GRID2: variants seen among roughly 807,000 people sequenced by gnomAD.
GRID2 encodes the protein glutamate ionotropic receptor delta type subunit 2, also known as glutamate receptor ionotropic, delta-2.
Under a neutral mutation model 114.8 loss-of-function variants are expected in GRID2, and 33 were observed. The observed-to-expected ratio is 0.29, with a 90% CI of 0.22 to 0.38. The LOEUF is 0.38. GRID2 is among the 10% of genes least tolerant of loss of function. The probability of loss-of-function intolerance (pLI) is 1.00; values close to 1 mark genes in which losing one functional copy is unlikely to be tolerated. For synonymous variants in GRID2, 505 were observed against 449.9 expected (o/e 1.12, Z -1.55); for missense variants, 1,184 against 1,257.7 (o/e 0.94, Z 0.89).
intron 8 of GRID2, among the ~76,000 whole-genome samples, chr4:93,261,865 G>C (rs1373096486): frequency 6.6e-6 from 1 of 151,120 alleles, no homozygotes; most frequent in Non-Finnish European, 1.5e-5. Flanking sequence ...TATGTTTTCT[G>C]TATATATGTA....
chr4:92,436,669 G>A (rs1255383667), intron 1 of GRID2, among the ~76,000 whole-genome samples: 1 of 151,986 alleles, frequency 6.6e-6, no homozygotes, highest in South Asian at 2.1e-4. Flanking sequence ...ATCTCTCTTA[G>A]GTTGCTTGTG....
intron 1 of GRID2, among the ~76,000 whole-genome samples, chr4:92,317,997 G>A (rs1726087225): frequency 1.3e-5 from 2 of 152,012 alleles, no homozygotes; most frequent in Admixed American, 1.3e-4. Flanking sequence ...TATAAACTGG[G>A]TTGTATTGAT....
chr4:93,312,351 G>A (rs1336775763), intron 8 of GRID2, among the ~76,000 whole-genome samples: 1 of 152,136 alleles, frequency 6.6e-6, no homozygotes, highest in African/African-American at 2.4e-5. Flanking sequence ...CAAGTATTTG[G>A]CTGAAAATTG....
intron 2 of GRID2, among the ~76,000 whole-genome samples, chr4:92,771,978 A>G (rs772695237): frequency 6.6e-6 from 1 of 152,208 alleles, no homozygotes; most frequent in Non-Finnish European, 1.5e-5. Context: ...ACTTAATTCA[A>G]TCAGCCATGT....
chr4:92,611,068 GTATA>G (rs748452550), intron 2 of GRID2, among the ~76,000 whole-genome samples: 4 of 135,494 alleles, frequency 3.0e-5, no homozygotes, highest in East Asian at 2.4e-4. Context: ...ATGTGTGTGT[GTATA>G]TATATATGTG....
intron 14 of GRID2, among the ~76,000 whole-genome samples, chr4:93,647,332 C>T (rs72873020): frequency 0.11 from 16,869 of 152,094 alleles, 1,005 homozygotes; most frequent in Middle Eastern, 0.14. Flanking sequence ...TCTCACATAG[C>T]GACATATTTA....
intron 2 of GRID2, among the ~76,000 whole-genome samples, chr4:93,083,397 A>G (rs1730048169): frequency 6.6e-6 from 1 of 152,126 alleles, no homozygotes; most frequent in Non-Finnish European, 1.5e-5. Context: ...GTTATGGTCT[A>G]AGAAGCATCC....
chr4:92,751,586 A>C (rs946919699), intron 2 of GRID2, among the ~76,000 whole-genome samples: 1 of 152,220 alleles, frequency 6.6e-6, no homozygotes, highest in African/African-American at 2.4e-5. Flanking sequence ...TTTCTTTTCA[A>C]TGTTGTTAAA....
At chr4:92,505,296 ATGGCC>A (rs1449391023) in intron 1 of GRID2, among the ~76,000 whole-genome samples, 1 of 152,008 alleles carries the variant, frequency 6.6e-6, no homozygotes, top group Non-Finnish European at 1.5e-5. Flanking sequence ...TTTATTTTTA[ATGGCC>A]TGGATTAAAT....
intron 10 of GRID2, among the ~76,000 whole-genome samples, chr4:93,440,048 G>A (rs1473886474): frequency 6.6e-6 from 1 of 152,060 alleles, no homozygotes; most frequent in Admixed American, 6.6e-5. Flanking sequence ...GCCTCCTTGT[G>A]CAGGGAGAGC....
intron 1 of GRID2, among the ~76,000 whole-genome samples, chr4:92,335,664 T>G (rs1190294711): frequency 6.6e-6 from 1 of 152,240 alleles, no homozygotes; most frequent in African/African-American, 2.4e-5. Context: ...TAAAAAGTTA[T>G]TTGTATTTTA....
intron 13 of GRID2, among the ~76,000 whole-genome samples, chr4:93,535,862 T>C (rs924065247): frequency 6.6e-6 from 1 of 152,080 alleles, no homozygotes; most frequent in Non-Finnish European, 1.5e-5. Flanking sequence ...CTTCACTCTG[T>C]TGATTGTTTC....
intron 1 of GRID2, among the ~76,000 whole-genome samples, chr4:92,328,192 T>G (rs1726693800): frequency 6.6e-6 from 1 of 152,046 alleles, no homozygotes; most frequent in South Asian, 2.1e-4. Flanking sequence ...GGTCTAGGTC[T>G]CTGCTGGAAC....
intron 2 of GRID2, among the ~76,000 whole-genome samples, chr4:92,639,301 C>T (rs1041702543): frequency 6.6e-6 from 1 of 151,558 alleles, no homozygotes; most frequent in South Asian, 2.1e-4. Flanking sequence ...ATATATAGAT[C>T]TTATGTATGT....
chr4:93,321,106 G>GA (rs1210148457), intron 8 of GRID2, among the ~76,000 whole-genome samples: 3 of 151,858 alleles, frequency 2.0e-5, no homozygotes, highest in Non-Finnish European at 4.4e-5. Flanking sequence ...AACTCTCCTT[G>GA]AAAAAAGCAG....
At chr4:92,548,868 A>G (rs1275812131) in intron 1 of GRID2, among the ~76,000 whole-genome samples, 3 of 152,070 alleles carry the variant, frequency 2.0e-5, no homozygotes, top group Non-Finnish European at 4.4e-5. Context: ...GGAAGTAAAG[A>G]AAGGGCAAGG....
rs574572375 is a variant in GRID2, at chr4:92,536,575, T to TTA, written c.89-53556_89-53555insTA. ...AAAAATGATTTACACAAAACTTTAATAAGATTGTTATTTTAATTTTTTGCT... is the reference window on the plus strand; with the variant it reads ...AAAAATGATTTACACAAAACTTTAATTAAAGATTGTTATTTTAATTTTTTGCT... On this transcript the variant is annotated intron_variant, in intron 1 of 15. Coordinates refer to ENST00000282020, the MANE Select transcript of GRID2 (RefSeq NM_001510.4). Among the ~76,000 whole-genome samples, 546 of 152,328 alleles carry TTA rather than the reference T, an allele frequency of 3.6e-3. 4 individuals are homozygous for TTA. The highest frequency in any genetic ancestry group is 0.012 in the African/African-American group (516 of 41,584).
intron 2 of GRID2, among the ~76,000 whole-genome samples, chr4:92,802,283 T>G (rs1157106699): frequency 6.6e-6 from 1 of 151,940 alleles, no homozygotes; most frequent in East Asian, 1.9e-4. Context: ...TTGATGTACT[T>G]ACATTGACAC....
rs558393280 is a variant in GRID2, at chr4:92,439,247, G to A, written c.88+134503G>A. Among the ~76,000 whole-genome samples, 194 of 152,082 alleles carry A rather than the reference G, an allele frequency of 1.3e-3. 2 individuals carry two copies. Among genetic ancestry groups the A allele is most frequent in the Middle Eastern group, 6.8e-3 (2 of 294 alleles). ...AATGTCATCACTTAAGGCAAGGACC[G>A]GCCATTTACACTTCTTTTGTGGTGG... On this transcript the variant is annotated intron_variant, in intron 1 of 15. Transcript: ENST00000282020.
Sources: allele counts gnomAD v4.1 joint callset (sites outside exome capture counted in the v4.1 genomes callset), GRCh38; gene constraint gnomAD v4.1.1; transcripts MANE v1.5; gene names NCBI Gene and HGNC (gene_info 2026-07-23, HGNC 2026-07-21).